Variants in FLRT1 observed in about 807,000 individuals in gnomAD.
FLRT1 encodes leucine-rich repeat transmembrane protein FLRT1.
FLRT1 carries 14 observed loss-of-function variants against 30.9 expected under a neutral mutation model. That is an observed-to-expected ratio of 0.45 (90% CI 0.30 to 0.71). The LOEUF (loss-of-function observed/expected upper bound fraction) is 0.71. Ranked by LOEUF, FLRT1 falls within the 30% of genes least tolerant of loss-of-function variation. The probability of loss-of-function intolerance (pLI) is 0.08; values close to 1 mark genes in which losing one functional copy is unlikely to be tolerated. For missense variants in FLRT1, 737 were observed against 949.2 expected (o/e 0.78, Z 2.94); for synonymous variants, 368 against 430.4 (o/e 0.85, Z 1.80).
At chr11:64,061,564 C>G (rs970546012) in intron 1 of FLRT1, among the ~76,000 whole-genome samples, 3 of 152,230 alleles carry the variant, frequency 2.0e-5, no homozygotes, top group Non-Finnish European at 4.4e-5. Context: ...CTGAGCACCA[C>G]CCCCCATTTG....
intron 1 of FLRT1, among the ~76,000 whole-genome samples, chr11:64,066,226 G>A (rs1486359592): frequency 6.7e-6 from 1 of 150,208 alleles, no homozygotes; most frequent in Non-Finnish European, 1.5e-5. Context: ...GAACCTGGGA[G>A]GCGGAGGTTG....
At chr11:64,085,038 T>G (rs886216767) in intron 1 of FLRT1, among the ~76,000 whole-genome samples, 1 of 152,182 alleles carries the variant, frequency 6.6e-6, no homozygotes, top group Non-Finnish European at 1.5e-5. Context: ...ATTTTACAGA[T>G]AAAGAAACTG....
intron 1 of FLRT1, among the ~76,000 whole-genome samples, chr11:64,061,057 G>T (rs971444488): frequency 6.6e-6 from 1 of 152,168 alleles, no homozygotes; most frequent in Non-Finnish European, 1.5e-5. Flanking sequence ...GATGGAAAGG[G>T]CTTGGCGTCC....
chr11:64,069,336 G>A (rs1176328238), intron 1 of FLRT1, among the ~76,000 whole-genome samples: 1 of 152,222 alleles, frequency 6.6e-6, no homozygotes, highest in Non-Finnish European at 1.5e-5. Context: ...GAGCCTGGGG[G>A]GCACAGGAGG....
At chr11:64,048,944 A>G (rs1157256177) in intron 1 of FLRT1, among the ~76,000 whole-genome samples, 2 of 152,204 alleles carry the variant, frequency 1.3e-5, no homozygotes, top group East Asian at 1.9e-4. Flanking sequence ...GTCTGGTGTG[A>G]GGGAGAGCCT....
intron 1 of FLRT1, among the ~76,000 whole-genome samples, chr11:64,089,429 G>A (rs1944451605): frequency 6.6e-6 from 1 of 152,222 alleles, no homozygotes; most frequent in Non-Finnish European, 1.5e-5. Context: ...CTGTAACATG[G>A]AGGAGTCGTC....
chr11:64,064,993 G>A lies in FLRT1; in HGVS notation c.-1038+28834G>A, dbSNP rs1013690210. 1.3e-5 allele frequency among the ~76,000 whole-genome samples: 2 copies of A among 152,220 alleles called. No individual in the cohort carries two copies. The highest frequency in any genetic ancestry group is 4.8e-5 in the African/African-American group (2 of 41,454). On this transcript the variant is annotated intron_variant, in intron 1 of 2. Transcript: ENST00000682287. This position sits in a 1 kb window ranked among gnomAD's most constrained non-coding sequence, Gnocchi z 4.5. The stretch of plus-strand genomic sequence containing the variant: ...TCCCTACACTCCAGAGCACAGGCTA[G>A]TTGGAACAAGCCAGAGGCGGGCAAT...
chr11:64,044,471 A>G (rs1420531634), intron 1 of FLRT1, among the ~76,000 whole-genome samples: 2 of 150,538 alleles, frequency 1.3e-5, no homozygotes, highest in Admixed American at 6.6e-5. Flanking sequence ...CTGGCCTTGA[A>G]CTCCTGGCCT....
intron 1 of FLRT1, among the ~76,000 whole-genome samples, chr11:64,043,568 A>T (rs1462554899): frequency 6.6e-6 from 1 of 152,198 alleles, no homozygotes; most frequent in African/African-American, 2.4e-5. Flanking sequence ...GGGAAGGGCA[A>T]GAGGTCAAAT....
intron 1 of FLRT1, among the ~76,000 whole-genome samples, chr11:64,059,892 G>A (rs1049744871): frequency 2.0e-5 from 3 of 152,172 alleles, no homozygotes; most frequent in Non-Finnish European, 4.4e-5. Context: ...TGAAGGCCGA[G>A]GAGGCGAGGC....
In FLRT1 at chr11:64,096,946, A is replaced by G. The variant is rs1488568265; in HGVS notation, c.-1037-6248A>G. On this transcript the variant is annotated intron_variant, in intron 1 of 2. Coordinates refer to ENST00000682287, the MANE Select transcript of FLRT1 (RefSeq NM_013280.5). This position sits in a 1 kb window ranked among gnomAD's most constrained non-coding sequence, Gnocchi z 4.6. ...GCCCTTGCTGGTCCCCCGCTCACCC[A>G]CTCTCTCAGCGTCTGGGCCCGGGAG... Among the ~76,000 whole-genome samples, 1 of 151,728 alleles carries G rather than the reference A, an allele frequency of 6.6e-6. No homozygotes were observed. The highest frequency in any genetic ancestry group is 1.5e-5 in the Non-Finnish European group (1 of 67,924).
intron 1 of FLRT1, among the ~76,000 whole-genome samples, chr11:64,058,837 G>A (rs763540335): frequency 1.4e-4 from 22 of 152,128 alleles, no homozygotes; most frequent in Non-Finnish European, 2.9e-4. Context: ...GAGGGCAGCC[G>A]GCAAGGGGGG....
chr11:64,112,562 TGTTA>T (rs1944881559), intron 2 of FLRT1, among the ~76,000 whole-genome samples: 1 of 151,998 alleles, frequency 6.6e-6, no homozygotes, highest in South Asian at 2.1e-4. Context: ...ACACGTAGTG[TGTTA>T]GTTGGTGGTA....
At chr11:64,061,401 GA>G (rs1490309288) in intron 1 of FLRT1, among the ~76,000 whole-genome samples, 1 of 152,170 alleles carries the variant, frequency 6.6e-6, no homozygotes, top group Admixed American at 6.5e-5. Context: ...GGCCCGCCCA[GA>G]CCCCAGGCCG....
chr11:64,038,932 C>T (rs562016301), intron 1 of FLRT1, among the ~76,000 whole-genome samples: 1 of 152,176 alleles, frequency 6.6e-6, no homozygotes, highest in Non-Finnish European at 1.5e-5. Flanking sequence ...TGGGGAGGCA[C>T]CCACGTTGAG....
At chr11:64,105,425 C>T (rs1049318978) in intron 2 of FLRT1, among the ~76,000 whole-genome samples, 2 of 152,200 alleles carry the variant, frequency 1.3e-5, no homozygotes, top group Non-Finnish European at 2.9e-5. Context: ...TGGGTTGGGG[C>T]CTGGCCCTCT....
At chr11:64,049,492 A>AGT (rs1432410640) in intron 1 of FLRT1, among the ~76,000 whole-genome samples, 1 of 152,132 alleles carries the variant, frequency 6.6e-6, no homozygotes, top group Admixed American at 6.5e-5. Context: ...GGTATGAGGA[A>AGT]ACTGAGGCCC....
chr11:64,084,372 CA>C (rs1024529412), intron 1 of FLRT1, among the ~76,000 whole-genome samples: 1 of 152,204 alleles, frequency 6.6e-6, no homozygotes, highest in Non-Finnish European at 1.5e-5. Context: ...TGCCCACGTG[CA>C]TTTCCTGCTC....
chr11:64,060,954 C>G (rs1590854113), intron 1 of FLRT1, among the ~76,000 whole-genome samples: 1 of 151,724 alleles, frequency 6.6e-6, no homozygotes, highest in African/African-American at 2.4e-5. Context: ...GCGGCGGCGG[C>G]GGGGCTCCCG....
Sources: gnomAD v4.1 joint callset for allele counts (sites outside exome capture counted in the v4.1 genomes callset) on GRCh38, gnomAD v4.1.1 for gene constraint, Gnocchi (gnomAD v3.1) non-coding constraint, MANE v1.5 for transcripts, NCBI Gene and HGNC (gene_info 2026-07-23, HGNC 2026-07-21) for gene names.